Variants in RYR2 observed in about 807,000 individuals in gnomAD.
RYR2 encodes the protein ryanodine receptor 2.
Under a neutral mutation model 601.1 loss-of-function variants are expected in RYR2, and 227 were observed. That is an observed-to-expected ratio of 0.38 (90% CI 0.34 to 0.42). The LOEUF (loss-of-function observed/expected upper bound fraction) is 0.42. Among genes scored for constraint, RYR2 ranks in the 10% least tolerant of loss-of-function variants. The probability of loss-of-function intolerance (pLI) is 1.00; values close to 1 mark genes in which losing one functional copy is unlikely to be tolerated. For missense variants in RYR2, 4,646 were observed against 6,156.5 expected (o/e 0.75, Z 8.21); for synonymous variants, 2,223 against 2,175.1 (o/e 1.02, Z -0.61).
intron 17 of RYR2, among the ~76,000 whole-genome samples, chr1:237,476,115 T>G (rs930459863): frequency 3.9e-5 from 6 of 152,224 alleles, no homozygotes; most frequent in Non-Finnish European, 7.3e-5. Context: ...CTGCACAGTT[T>G]TGCAGTGATG....
intron 7 of RYR2, 46 bp downstream of exon 7, chr1:237,374,841 C>T (rs1395718072): frequency 2.0e-6 from 3 of 1,472,138 alleles, no homozygotes; most frequent in Admixed American, 3.6e-5. Flanking sequence ...GAGAACCCTG[C>T]AGGGGTTGGA....
At chr1:237,157,143 A>C (rs1325787167) in intron 1 of RYR2, among the ~76,000 whole-genome samples, 2 of 151,952 alleles carry the variant, frequency 1.3e-5, no homozygotes, top group Admixed American at 6.6e-5. Context: ...TGAAAATACA[A>C]AAATTAGTTG....
chr1:237,283,176 T>C (rs1691086301), intron 2 of RYR2, among the ~76,000 whole-genome samples: 1 of 152,230 alleles, frequency 6.6e-6, no homozygotes, highest in Non-Finnish European at 1.5e-5. Context: ...TCAAATGTTT[T>C]TTCCTTTGTA....
intron 99 of RYR2, among the ~76,000 whole-genome samples, chr1:237,807,431 A>C (rs1016001639): frequency 3.9e-5 from 6 of 151,984 alleles, no homozygotes; most frequent in Non-Finnish European, 8.8e-5. Flanking sequence ...GCTCACTGCA[A>C]CCTCCGCCTC....
At chr1:237,063,597 CATA>C (rs1663156151) in intron 1 of RYR2, among the ~76,000 whole-genome samples, 1 of 147,610 alleles carries the variant, frequency 6.8e-6, no homozygotes, top group African/African-American at 2.7e-5. Flanking sequence ...CACACACACA[CATA>C]CACACTCTCT....
intron 12 of RYR2, among the ~76,000 whole-genome samples, chr1:237,427,690 G>A (rs905486238): frequency 1.3e-4 from 20 of 149,190 alleles, no homozygotes; most frequent in African/African-American, 4.2e-4. Context: ...GGCTGAGGGA[G>A]GAGAATTGCC....
chr1:237,576,344 G>A (rs1186658401), intron 29 of RYR2, among the ~76,000 whole-genome samples: 3 of 152,180 alleles, frequency 2.0e-5, no homozygotes, highest in Non-Finnish European at 2.9e-5. Context: ...CTACCAGATA[G>A]CAGGATTTAT....
intron 54 of RYR2, among the ~76,000 whole-genome samples, chr1:237,659,511 C>T (rs935847342): frequency 5.9e-5 from 9 of 152,092 alleles, no homozygotes; most frequent in South Asian, 2.1e-4. Flanking sequence ...TCAGAGAAGA[C>T]GCTGAGATGC....
chr1:237,497,650 A>G (rs1304179828), intron 20 of RYR2, among the ~76,000 whole-genome samples: 3 of 152,222 alleles, frequency 2.0e-5, no homozygotes, highest in Non-Finnish European at 4.4e-5. Flanking sequence ...AGTACAAATG[A>G]TAGACATTTA....
rs540930472 is a variant in RYR2, at chr1:237,538,595, A to T, written c.2906+8085A>T. On this transcript the variant is annotated intron_variant, in intron 25 of 104. Transcript: ENST00000366574. ...CAGACCAGCCCGGCCAACATGGTGA[A>T]ACCCTGTCTCTACTAAAAATACAAA... Among the ~76,000 whole-genome samples the T allele has an allele frequency of 2.3e-3, 346 of 151,548 alleles. 3 individuals are homozygous for T. The highest frequency in any genetic ancestry group is 8.1e-3 in the African/African-American group (334 of 41,266).
At chr1:237,402,119 TG>T (rs1283709583) in intron 10 of RYR2, among the ~76,000 whole-genome samples, 1 of 151,936 alleles carries the variant, frequency 6.6e-6, no homozygotes, top group African/African-American at 2.4e-5. Context: ...GATTATCTGG[TG>T]GGGTACAGTG....
intron 1 of RYR2, among the ~76,000 whole-genome samples, chr1:237,069,500 A>C (rs911378185): frequency 9.2e-5 from 14 of 152,154 alleles, no homozygotes; most frequent in Non-Finnish European, 1.9e-4. Flanking sequence ...CCTGTCATCC[A>C]GATGACTGAA....
At chr1:237,245,591 G>A (rs1461388222) in intron 1 of RYR2, among the ~76,000 whole-genome samples, 1 of 152,112 alleles carries the variant, frequency 6.6e-6, no homozygotes, top group Non-Finnish European at 1.5e-5. Flanking sequence ...TGTCAACCGT[G>A]TATCAAGGTG....
intron 80 of RYR2, among the ~76,000 whole-genome samples, chr1:237,752,808 C>G (rs1692645210): frequency 6.6e-6 from 1 of 152,124 alleles, no homozygotes; most frequent in Non-Finnish European, 1.5e-5. Context: ...GGTCGTAACT[C>G]TCAGATGCCA....
chr1:237,788,332 C>G (rs1226094831), intron 92 of RYR2, among the ~76,000 whole-genome samples, 197 bp downstream of exon 92: 1 of 152,126 alleles, frequency 6.6e-6, no homozygotes, highest in Non-Finnish European at 1.5e-5. Flanking sequence ...TACTGTCAAA[C>G]CCATAACCTC....
intron 29 of RYR2, among the ~76,000 whole-genome samples, chr1:237,579,477 A>G (rs1432534999): frequency 6.6e-6 from 1 of 151,596 alleles, no homozygotes; most frequent in Non-Finnish European, 1.5e-5. Context: ...CTGGTCTCGA[A>G]CTCCTGACCT....
chr1:237,424,260 G>A (rs1572258769), intron 12 of RYR2, among the ~76,000 whole-genome samples: 2 of 152,070 alleles, frequency 1.3e-5, no homozygotes, highest in Admixed American at 6.6e-5. Flanking sequence ...CTACTAACTA[G>A]CTTTCATCTT....
At chr1:237,547,513 A>G (rs1318905571) in intron 25 of RYR2, among the ~76,000 whole-genome samples, 1 of 152,178 alleles carries the variant, frequency 6.6e-6, no homozygotes, top group East Asian at 1.9e-4. Flanking sequence ...AGTTAGAAAA[A>G]TGAATCAGAA....
At chr1:237,562,650 T>A (rs2148210243) in intron 27 of RYR2, among the ~76,000 whole-genome samples, 1 of 152,324 alleles carries the variant, frequency 6.6e-6, no homozygotes, top group South Asian at 2.1e-4. Context: ...CAGGAATATG[T>A]CTCCCAACTA....
Sources: gnomAD v4.1 joint callset for allele counts (sites outside exome capture counted in the v4.1 genomes callset) on GRCh38, gnomAD v4.1.1 for gene constraint, MANE v1.5 for transcripts, NCBI Gene and HGNC (gene_info 2026-07-23, HGNC 2026-07-21) for gene names.